Variants in CNTNAP2 observed in about 807,000 individuals in gnomAD.
The protein encoded by CNTNAP2 is contactin associated protein 2, also known as contactin-associated protein-like 2.
A neutral mutation model predicts 155.2 loss-of-function variants in CNTNAP2; 98 were observed. That is an observed-to-expected ratio of 0.63 (90% CI 0.54 to 0.75). CNTNAP2 has a LOEUF of 0.75. Ranked by LOEUF, CNTNAP2 falls within the 30% of genes least tolerant of loss-of-function variation. CNTNAP2 has a pLI of 0.00. For missense variants in CNTNAP2, 1,727 were observed against 1,688.1 expected (o/e 1.02, Z -0.40); for synonymous variants, 651 against 631.2 (o/e 1.03, Z -0.47).
At position 147,249,604 on chromosome 7, in the gene CNTNAP2, T is replaced by TAAAAAAAAAAAAAAAAAAAAAAAAAAAAA. The variant is rs755601249; in HGVS notation, c.1349-50516_1349-50515insAAAAAAAAAAAAAAAAAAAAAAAAAAAAA. On this transcript the variant is annotated intron_variant, in intron 8 of 23. Coordinates refer to ENST00000361727, the MANE Select transcript of CNTNAP2 (RefSeq NM_014141.6). ...CTATAATAAAGGAAGACATTGGAGGTAAAAAAAAAAAAAAAAAAAAAGGTT... is the reference window on the plus strand; with the variant it reads ...CTATAATAAAGGAAGACATTGGAGGTAAAAAAAAAAAAAAAAAAAAAAAAAAAAAAAAAAAAAAAAAAAAAAAAAAGGTT... Among the ~76,000 whole-genome samples the TAAAAAAAAAAAAAAAAAAAAAAAAAAAAA allele has an allele frequency of 2.0e-4, 14 of 70,004 alleles. 1 individual carries two copies. The highest frequency in any genetic ancestry group is 1.8e-3 in the East Asian group (2 of 1,118). The allele number at this position is 70,004 out of a possible 152,430, so 45.9% of individuals were successfully genotyped here.
chr7:148,034,162 A>G (rs973161492), intron 15 of CNTNAP2, among the ~76,000 whole-genome samples: 18 of 152,236 alleles, frequency 1.2e-4, no homozygotes, highest in African/African-American at 4.1e-4. Context: ...TCAGGTTAAC[A>G]TAGAGATAAA....
chr7:147,289,033 T>G, intron 8 of CNTNAP2, among the ~76,000 whole-genome samples: 1 of 152,164 alleles, frequency 6.6e-6, no homozygotes, highest in Admixed American at 6.5e-5. Context: ...CATGATTTCC[T>G]CTATAAGGAA....
At chr7:148,059,274 T>C (rs1207551681) in intron 15 of CNTNAP2, among the ~76,000 whole-genome samples, 3 of 151,136 alleles carry the variant, frequency 2.0e-5, no homozygotes, top group Non-Finnish European at 4.4e-5. Flanking sequence ...GGTGACAGAG[T>C]GAGACCCCAT....
chr7:146,839,901 C>G lies in CNTNAP2; in HGVS notation c.399C>G (p.Ile133Met). 6.2e-6 allele frequency: 10 copies of G among 1,614,060 alleles called. No individual in the cohort carries two copies. The highest frequency in any genetic ancestry group is 8.5e-6 in the Non-Finnish European group (10 of 1,180,004). ...NWKPYHQDGN[I>M]WAFPGNINSD... ...AACCCTATCATCAAGATGGGAATAT[C>G]TGGGTAAGTCATTGGCAGGAAAGCA... Residue 133 changes from isoleucine (I) to methionine (M), a missense_variant, in exon 3 of 24, where the codon ATC (isoleucine) becomes ATG (methionine). Transcript: ENST00000361727.
intron 1 of CNTNAP2, among the ~76,000 whole-genome samples, chr7:146,222,480 G>C (rs545528554): frequency 1.3e-5 from 2 of 151,896 alleles, no homozygotes; most frequent in East Asian, 3.9e-4. Flanking sequence ...GAAAGGATTG[G>C]GGCATGAAAC....
intron 19 of CNTNAP2, 33 bp downstream of exon 19, chr7:148,217,557 A>C (rs1405617528): frequency 6.3e-7 from 1 of 1,596,088 alleles, no homozygotes; most frequent in African/African-American, 1.3e-5. Flanking sequence ...TCTGCCATTT[A>C]ACATTTGGGC....
At chr7:147,644,920 A>T (rs970599541) in intron 13 of CNTNAP2, among the ~76,000 whole-genome samples, 2 of 152,092 alleles carry the variant, frequency 1.3e-5, no homozygotes, top group Admixed American at 6.6e-5. Context: ...AGAGATAAAA[A>T]GTTATCTTCC....
chr7:146,508,408 C>A (rs941406921), intron 1 of CNTNAP2, among the ~76,000 whole-genome samples: 1 of 152,180 alleles, frequency 6.6e-6, no homozygotes, highest in African/African-American at 2.4e-5. Context: ...AAGCATGCAG[C>A]CAAGTGCCTG....
intron 1 of CNTNAP2, among the ~76,000 whole-genome samples, chr7:146,666,242 G>T (rs974001112): frequency 2.0e-5 from 3 of 152,108 alleles, no homozygotes; most frequent in Non-Finnish European, 4.4e-5. Context: ...GTGAGAATAT[G>T]TAGTGTTTAA....
intron 10 of CNTNAP2, among the ~76,000 whole-genome samples, chr7:147,424,519 A>T (rs1797347472): frequency 6.6e-6 from 1 of 151,276 alleles, no homozygotes; most frequent in South Asian, 2.1e-4. Flanking sequence ...TGTCTCCTCG[A>T]TTTTCTCATT....
At chr7:146,163,581 C>CTATATATA (rs1491503784) in intron 1 of CNTNAP2, among the ~76,000 whole-genome samples, 4 of 84,924 alleles carry the variant, frequency 4.7e-5, no homozygotes, top group African/African-American at 2.0e-4. Flanking sequence ...ATCTATCTAT[C>CTATATATA]TATCTATATA....
intron 8 of CNTNAP2, among the ~76,000 whole-genome samples, chr7:147,182,542 A>G (rs4559158): frequency 0.38 from 57,918 of 151,798 alleles, 11,987 homozygotes; most frequent in East Asian, 0.61. Flanking sequence ...TCCTTTCCAA[A>G]TATTTAAATT....
intron 13 of CNTNAP2, among the ~76,000 whole-genome samples, chr7:147,833,146 A>ATTTTTT: frequency 6.7e-6 from 1 of 149,918 alleles, no homozygotes. Context: ...TTTTTTCATG[A>ATTTTTT]AACAATGATA....
chr7:146,199,692 G>C (rs774880873), intron 1 of CNTNAP2, among the ~76,000 whole-genome samples: 1 of 152,146 alleles, frequency 6.6e-6, no homozygotes, highest in Non-Finnish European at 1.5e-5. Context: ...ACCTTTTAAA[G>C]GGTGTCGACT....
At position 146,144,689 on chromosome 7, in the gene CNTNAP2, T is replaced by C. The variant is rs370582292; in HGVS notation, c.97+27716T>C. On this transcript the variant is annotated intron_variant, in intron 1 of 23. Coordinates refer to ENST00000361727, the MANE Select transcript of CNTNAP2 (RefSeq NM_014141.6). ...ACTTCGACTCATACTCTCATGTTAATTTGGTATAAAAGAAACATAATGAAG... is the reference window on the plus strand; with the variant it reads ...ACTTCGACTCATACTCTCATGTTAACTTGGTATAAAAGAAACATAATGAAG... 3.3e-5 allele frequency among the ~76,000 whole-genome samples: 5 copies of C among 152,330 alleles called. No individual in the cohort carries two copies. In the South Asian group the frequency reaches 1.0e-3, roughly 32 times the overall value.
intron 18 of CNTNAP2, among the ~76,000 whole-genome samples, chr7:148,209,230 A>G (rs953098271): frequency 4.7e-5 from 7 of 149,962 alleles, no homozygotes; most frequent in African/African-American, 1.7e-4. Context: ...CACTCAAATG[A>G]TCCTCCCGCC....
intron 3 of CNTNAP2, among the ~76,000 whole-genome samples, chr7:147,021,413 C>A (rs1365238560): frequency 3.3e-5 from 5 of 152,116 alleles, no homozygotes; most frequent in African/African-American, 1.2e-4. Context: ...ATGCTCAGGG[C>A]TTTTGTTTTG....
At chr7:146,259,787 T>C (rs1490952137) in intron 1 of CNTNAP2, among the ~76,000 whole-genome samples, 2 of 152,144 alleles carry the variant, frequency 1.3e-5, no homozygotes, top group Non-Finnish European at 2.9e-5. Context: ...AGCGTGACCA[T>C]GTAGAAAAGA....
chr7:147,512,814 CTCAGCATAGT>C (rs1799045628), intron 11 of CNTNAP2, among the ~76,000 whole-genome samples: 1 of 152,040 alleles, frequency 6.6e-6, no homozygotes, highest in South Asian at 2.1e-4. Context: ...TGCTTTTCAT[CTCAGCATAGT>C]TTTGAATGAT....
Sources: gnomAD v4.1 joint callset for allele counts (sites outside exome capture counted in the v4.1 genomes callset) on GRCh38, gnomAD v4.1.1 for gene constraint, MANE v1.5 for transcripts, NCBI Gene and HGNC (gene_info 2026-07-23, HGNC 2026-07-21) for gene names.